Variants in CD99L2 observed in about 807,000 individuals in gnomAD.
CD99L2 encodes CD99 molecule like 2, also known as CD99 antigen-like protein 2.
CD99L2 carries 24 observed loss-of-function variants against 27.3 expected under a neutral mutation model. The observed-to-expected ratio is 0.88, with a 90% CI of 0.64 to 1.24. The LOEUF (loss-of-function observed/expected upper bound fraction) is 1.24, where lower values mean the gene tolerates loss of function less well. Among genes scored for constraint, CD99L2 ranks in the 50% most tolerant of loss-of-function variants. The probability of loss-of-function intolerance (pLI) is 0.00; values close to 1 mark genes in which losing one functional copy is unlikely to be tolerated. For missense variants in CD99L2, 255 were observed against 221.6 expected (o/e 1.15, Z -0.96); for synonymous variants, 97 against 87.9 (o/e 1.10, Z -0.58).
At position 150,850,335 on chromosome X, in the gene CD99L2, A is replaced by G. The variant is rs868982854; in HGVS notation, c.68-19042T>C. On this transcript the variant is annotated intron_variant, in intron 1 of 10. Coordinates refer to ENST00000370377, the MANE Select transcript of CD99L2 (RefSeq NM_031462.4). ...CTTGGCAGCAGGCACCTCACCATTA[A>G]GGCCAGCTCAGCAGTGGCCATGCTC... is the stretch of plus-strand genomic sequence containing the variant. 1.7e-3 allele frequency among the ~76,000 whole-genome samples: 185 copies of G among 111,600 alleles called. 1 individual carries two copies. The highest frequency in any genetic ancestry group is 5.7e-3 in the African/African-American group (175 of 30,713).
chrX:150,896,945 T>C (rs919378697), intron 1 of CD99L2, among the ~76,000 whole-genome samples: 2 of 112,330 alleles, frequency 1.8e-5, no homozygotes, highest in African/African-American at 6.5e-5. Context: ...AAATCAACAA[T>C]TGTAACGTGC....
At chrX:150,823,523 T>C in intron 2 of CD99L2, among the ~76,000 whole-genome samples, 1 of 111,482 alleles carries the variant, frequency 9.0e-6, no homozygotes, top group Non-Finnish European at 1.9e-5. Context: ...TGACCCCAAG[T>C]GATCCACCTG....
intron 2 of CD99L2, among the ~76,000 whole-genome samples, chrX:150,829,985 C>T (rs1167652019): frequency 1.8e-5 from 2 of 109,383 alleles, no homozygotes; most frequent in African/African-American, 3.3e-5. Context: ...GGTGAAATCC[C>T]CTCTACTAAC....
chrX:150,852,012 G>T (rs1448808594), intron 1 of CD99L2, among the ~76,000 whole-genome samples: 2 of 111,784 alleles, frequency 1.8e-5, no homozygotes, highest in East Asian at 5.6e-4. Flanking sequence ...GACCACAACA[G>T]CCAATAACCA....
rs200716496 is a variant in CD99L2, at chrX:150,789,809, CAGG to C, written c.496+3879_496+3881del. 9.3e-4 allele frequency among the ~76,000 whole-genome samples: 104 copies of C among 112,037 alleles called. 1 individual carries two copies. The East Asian group carries it at 0.024, about 26-fold the overall frequency. ...CTGAGGTGGGAGGATTGCTTGAGCT[CAGG>C]AGGTCAATGCTTCAGTGAACTGTGT... On this transcript the variant is annotated intron_variant, in intron 7 of 10. Transcript: ENST00000370377.
At chrX:150,802,356 G>A (rs1301407002) in intron 4 of CD99L2, among the ~76,000 whole-genome samples, 2 of 109,725 alleles carry the variant, frequency 1.8e-5, no homozygotes, top group Admixed American at 9.7e-5. Flanking sequence ...CTGAGCTCAG[G>A]AGTTTGAGAC....
chrX:150,823,916 G>T (rs1229393871), intron 2 of CD99L2, among the ~76,000 whole-genome samples: 1 of 109,926 alleles, frequency 9.1e-6, no homozygotes, highest in South Asian at 3.9e-4. Flanking sequence ...GAGGTGGGAG[G>T]ACCACTTGAG....
chrX:150,830,050 G>A (rs1557421018), intron 2 of CD99L2, among the ~76,000 whole-genome samples: 4 of 110,353 alleles, frequency 3.6e-5, no homozygotes, highest in Non-Finnish European at 7.6e-5. Context: ...AGCTACTTGG[G>A]AGGCTGAGGC....
intron 2 of CD99L2, among the ~76,000 whole-genome samples, chrX:150,830,053 G>C (rs1280287832): frequency 9.1e-6 from 1 of 110,410 alleles, no homozygotes; most frequent in Admixed American, 9.7e-5. Context: ...TACTTGGGAG[G>C]CTGAGGCAGG....
At chrX:150,887,826 G>A (rs1252594323) in intron 1 of CD99L2, among the ~76,000 whole-genome samples, 3 of 112,107 alleles carry the variant, frequency 2.7e-5, no homozygotes, top group Non-Finnish European at 5.6e-5. Context: ...CACACACGGA[G>A]CTAGGCTACT....
At chrX:150,837,791 G>A (rs1427681514) in intron 1 of CD99L2, among the ~76,000 whole-genome samples, 2 of 112,265 alleles carry the variant, frequency 1.8e-5, no homozygotes, top group African/African-American at 6.5e-5. Flanking sequence ...AAAAGAGAGA[G>A]AATAGACAAA....
chrX:150,772,818 G>T (rs2043484458), intron 9 of CD99L2, among the ~76,000 whole-genome samples: 1 of 110,881 alleles, frequency 9.0e-6, no homozygotes, highest in Non-Finnish European at 1.9e-5. Flanking sequence ...GAGGTGGGGG[G>T]ACAGGAGGAC....
Position 150,793,849 on chromosome X carries a change from T to C in CD99L2, c.431-93A>G, listed in dbSNP as rs1458955595. 9 of 706,076 alleles carry C rather than the reference T, an allele frequency of 1.3e-5. No individual in the cohort carries two copies. The African/African-American group carries it at 2.0e-4, about 15-fold the overall frequency. 58.2% of individuals were successfully genotyped at this position (706,076 alleles called of 1,213,427 possible). A position where few individuals can be genotyped will look rare whatever the true frequency, so the allele number is the denominator to read the frequency against. Reference sequence around the variant, plus strand: ...TGTTGCCCAAAATTCAGAAAATGATTCCCAGTTCCACTTAAGAATGCCCTT... The same window carrying C: ...TGTTGCCCAAAATTCAGAAAATGATCCCCAGTTCCACTTAAGAATGCCCTT... On this transcript the variant is annotated intron_variant, in intron 6 of 10. Coordinates refer to ENST00000370377, the MANE Select transcript of CD99L2 (RefSeq NM_031462.4).
chrX:150,812,052 T>C (rs1053478028), intron 4 of CD99L2, among the ~76,000 whole-genome samples: 3 of 111,346 alleles, frequency 2.7e-5, no homozygotes, highest in Non-Finnish European at 5.7e-5. Flanking sequence ...TCCCAGCTAC[T>C]TGGGAAGCTG....
chrX:150,893,549 A>G (rs1328801396), intron 1 of CD99L2, among the ~76,000 whole-genome samples: 1 of 107,577 alleles, frequency 9.3e-6, no homozygotes, highest in Non-Finnish European at 1.9e-5. Flanking sequence ...CTTGAAAACA[A>G]CCCCAATCCA....
intron 7 of CD99L2, 110 bp downstream of exon 7, chrX:150,793,581 G>A: frequency 1.6e-6 from 1 of 607,027 alleles, no homozygotes; most frequent in Non-Finnish European, 2.5e-6. Flanking sequence ...GGCAGGCTGG[G>A]ATGTCTGGGA....
At chrX:150,808,850 C>T (rs1040571778) in intron 4 of CD99L2, among the ~76,000 whole-genome samples, 2 of 110,427 alleles carry the variant, frequency 1.8e-5, no homozygotes, top group Non-Finnish European at 3.8e-5. Context: ...AGGAAGCAGC[C>T]GCGAGTTCCG....
chrX:150,798,713 C>A (rs2045854294), intron 4 of CD99L2, among the ~76,000 whole-genome samples: 1 of 112,275 alleles, frequency 8.9e-6, no homozygotes, highest in Non-Finnish European at 1.9e-5. Context: ...ACATCAACAA[C>A]AAAAACAAAA....
chrX:150,859,249 C>T (rs781844945), intron 1 of CD99L2, among the ~76,000 whole-genome samples: 1 of 111,352 alleles, frequency 9.0e-6, no homozygotes, highest in African/African-American at 3.3e-5. Flanking sequence ...GCCTGTAATC[C>T]CAGCACTTTG....
Sources: allele counts gnomAD v4.1 joint callset (sites outside exome capture counted in the v4.1 genomes callset), GRCh38; gene constraint gnomAD v4.1.1; transcripts MANE v1.5; gene names NCBI Gene and HGNC (gene_info 2026-07-23, HGNC 2026-07-21).